SUSD6: variants seen among roughly 807,000 people sequenced by gnomAD.
SUSD6 encodes the protein sushi domain-containing protein 6.
A neutral mutation model predicts 28.4 loss-of-function variants in SUSD6; 16 were observed. That is an observed-to-expected ratio of 0.56 (90% CI 0.38 to 0.86). The LOEUF (loss-of-function observed/expected upper bound fraction) is 0.86. SUSD6 is among the 40% of genes least tolerant of loss of function. SUSD6 has a pLI of 0.00. For synonymous variants in SUSD6, 147 were observed against 159.6 expected, an observed-to-expected ratio of 0.92 and a Z score of 0.59; for missense variants, 341 against 384.2, an observed-to-expected ratio of 0.89 and a Z score of 0.94.
chr14:69,622,525 G>A (rs763236230), intron 1 of SUSD6, among the ~76,000 whole-genome samples: 16 of 152,220 alleles, frequency 1.1e-4, no homozygotes, highest in Non-Finnish European at 1.8e-4. Context: ...GATGGTTTAC[G>A]TTTCTCTGTG....
intron 1 of SUSD6, among the ~76,000 whole-genome samples, chr14:69,642,381 T>C (rs934945002): frequency 2.6e-5 from 4 of 152,258 alleles, no homozygotes; most frequent in African/African-American, 7.2e-5. Flanking sequence ...TGGGAGCATG[T>C]ATTAGTCTGT....
chr14:69,627,030 G>T (rs1159581195), intron 1 of SUSD6, among the ~76,000 whole-genome samples: 1 of 152,036 alleles, frequency 6.6e-6, no homozygotes, highest in East Asian at 1.9e-4. Context: ...CACTAGCTTG[G>T]CAACAGGTGG....
At chr14:69,632,010 T>C (rs1885201719) in intron 1 of SUSD6, among the ~76,000 whole-genome samples, 2 of 152,348 alleles carry the variant, frequency 1.3e-5, no homozygotes, top group African/African-American at 4.8e-5. Context: ...CTGGGCTTTT[T>C]CCTCCCCTTA....
intron 2 of SUSD6, among the ~76,000 whole-genome samples, chr14:69,682,577 A>G (rs1886012301): frequency 6.6e-6 from 1 of 152,324 alleles, no homozygotes; most frequent in Admixed American, 6.5e-5. Flanking sequence ...TTGCAAAAAG[A>G]TTTTGCCATC....
intron 1 of SUSD6, among the ~76,000 whole-genome samples, chr14:69,615,056 G>C (rs1884939177): frequency 6.6e-6 from 1 of 152,208 alleles, no homozygotes; most frequent in African/African-American, 2.4e-5. Flanking sequence ...TCAAGCAGTG[G>C]GAGAAAGATC....
chr14:69,672,585 A>G (rs1051681832), intron 2 of SUSD6, among the ~76,000 whole-genome samples: 9 of 152,192 alleles, frequency 5.9e-5, no homozygotes, highest in African/African-American at 2.2e-4. Context: ...TCACAGTGCT[A>G]ACTGCCTGGC....
At chr14:69,656,267 T>C (rs1401927819) in intron 1 of SUSD6, among the ~76,000 whole-genome samples, 1 of 148,256 alleles carries the variant, frequency 6.7e-6, no homozygotes, top group African/African-American at 2.5e-5. Context: ...CCACCACTTA[T>C]GCACAAAACA....
chr14:69,699,899 C>T (rs1467982307), intron 2 of SUSD6, among the ~76,000 whole-genome samples: 2 of 152,084 alleles, frequency 1.3e-5, no homozygotes, highest in Non-Finnish European at 2.9e-5. Context: ...TTGAGGAGAC[C>T]ATTTACATAG....
intron 1 of SUSD6, among the ~76,000 whole-genome samples, chr14:69,623,354 A>G (rs533363035): frequency 4.7e-4 from 71 of 152,336 alleles, no homozygotes; most frequent in Non-Finnish European, 7.3e-4. Flanking sequence ...CATTGTAGCC[A>G]TGGTAAGGTC....
chr14:69,666,019 G>T (rs1412403848), intron 2 of SUSD6, among the ~76,000 whole-genome samples: 1 of 152,198 alleles, frequency 6.6e-6, no homozygotes, highest in Admixed American at 6.5e-5. Context: ...AGCACCAATT[G>T]ATATCATTCC....
intron 2 of SUSD6, among the ~76,000 whole-genome samples, chr14:69,669,845 C>T (rs972996340): frequency 6.6e-6 from 1 of 152,154 alleles, no homozygotes; most frequent in Non-Finnish European, 1.5e-5. Flanking sequence ...AGCTCCTAGT[C>T]GTAGTTCTTT....
chr14:69,665,363 C>T (rs1885724093), intron 2 of SUSD6, among the ~76,000 whole-genome samples: 1 of 152,186 alleles, frequency 6.6e-6, no homozygotes, highest in South Asian at 2.1e-4. Context: ...GCCTCACCAC[C>T]TTAGCCTCCT....
chr14:69,626,601 A>C (rs1475109918), intron 1 of SUSD6, among the ~76,000 whole-genome samples: 2 of 152,114 alleles, frequency 1.3e-5, no homozygotes, highest in African/African-American at 2.4e-5. Context: ...ACATTTAATA[A>C]TTCCCCATCA....
chr14:69,691,836 T>TC (rs1886156880), intron 2 of SUSD6, among the ~76,000 whole-genome samples: 1 of 152,134 alleles, frequency 6.6e-6, no homozygotes, highest in South Asian at 2.1e-4. Context: ...GGTCAGGTGT[T>TC]CAAGACCAGC....
chr14:69,709,369 A>T (rs1886431495), intron 5 of SUSD6, among the ~76,000 whole-genome samples: 1 of 152,166 alleles, frequency 6.6e-6, no homozygotes. Context: ...GCCTTGCTAA[A>T]TCAAAAGACA....
At chr14:69,661,837 G>T (rs1885666584) in intron 2 of SUSD6, among the ~76,000 whole-genome samples, 2 of 152,100 alleles carry the variant, frequency 1.3e-5, no homozygotes, top group South Asian at 2.1e-4. Context: ...GTCTTACTCT[G>T]TTGCCAGGCT....
intron 2 of SUSD6, among the ~76,000 whole-genome samples, chr14:69,682,947 C>CTT (rs5809442): frequency 2.0e-3 from 128 of 62,638 alleles, no homozygotes; most frequent in Non-Finnish European, 3.1e-3. Flanking sequence ...TCCAAGAAGC[C>CTT]TTTTTTTTTT....
intron 1 of SUSD6, among the ~76,000 whole-genome samples, chr14:69,641,524 C>T (rs996986855): frequency 1.3e-5 from 2 of 151,992 alleles, no homozygotes; most frequent in South Asian, 2.1e-4. Context: ...TGCTGTTAAT[C>T]CTATCCTGTG....
chr14:69,649,684 T>TA (rs1336754809), intron 1 of SUSD6, among the ~76,000 whole-genome samples: 2 of 152,196 alleles, frequency 1.3e-5, no homozygotes, highest in African/African-American at 4.8e-5. Context: ...ATACAAAAGT[T>TA]AAATAACTGT....
Sources: gnomAD v4.1 joint callset for allele counts (sites outside exome capture counted in the v4.1 genomes callset) on GRCh38, gnomAD v4.1.1 for gene constraint, MANE v1.5 for transcripts, NCBI Gene and HGNC (gene_info 2026-07-23, HGNC 2026-07-21) for gene names.